Variants in FAM81B observed in about 807,000 individuals in gnomAD.
FAM81B encodes the protein family with sequence similarity 81 member B.
Under a neutral mutation model 58.7 loss-of-function variants are expected in FAM81B, and 60 were observed. The ratio of observed to expected loss-of-function variants is 1.02; its 90% CI spans 0.83 to 1.27. The LOEUF is 1.27. FAM81B is among the 50% of genes most tolerant of loss of function. FAM81B has a pLI of 0.00. For synonymous variants in FAM81B, 189 were observed against 179.6 expected (o/e 1.05, Z -0.42); for missense variants, 491 against 522.0 (o/e 0.94, Z 0.58).
At chr5:95,449,604 G>A (rs952960593) in intron 9 of FAM81B, among the ~76,000 whole-genome samples, 1 of 152,184 alleles carries the variant, frequency 6.6e-6, no homozygotes, top group African/African-American at 2.4e-5. Context: ...AAAGGCCCCA[G>A]TGAATAACAA....
At chr5:95,440,200 A>G (rs1420866231) in intron 7 of FAM81B, 12 of 632,332 alleles carry the variant, frequency 1.9e-5, no homozygotes, top group Non-Finnish European at 3.7e-5. Context: ...GATCAACAAG[A>G]AGCTATTGAC....
In FAM81B at chr5:95,428,737, T is replaced by C. The variant is rs760321217; in HGVS notation, c.786+5T>C. 2 of 1,613,722 alleles carry C rather than the reference T, an allele frequency of 1.2e-6. No individual in the cohort carries two copies. The highest frequency in any genetic ancestry group is 2.2e-5 in the East Asian group (1 of 44,876). ...TCCAAGAACTTGGACATGAAGGTAA[T>C]TGAAAATAGATGGGACTCATATTAC... On this transcript the variant is annotated splice_donor_5th_base_variant and intron_variant, in intron 6 of 9. Coordinates refer to ENST00000283357, the MANE Select transcript of FAM81B (RefSeq NM_152548.3).
intron 2 of FAM81B, among the ~76,000 whole-genome samples, chr5:95,395,442 CAAAAAAAAAA>C (rs70978184): frequency 1.9e-5 from 2 of 103,116 alleles, no homozygotes; most frequent in Non-Finnish European, 3.7e-5. Flanking sequence ...GACCCCGTCT[CAAAAAAAAAA>C]AAAAAAAAAG....
chr5:95,394,585 T>G (rs1761913977), intron 2 of FAM81B, among the ~76,000 whole-genome samples: 1 of 152,118 alleles, frequency 6.6e-6, no homozygotes, highest in Non-Finnish European at 1.5e-5. Flanking sequence ...CTTAGGAAAG[T>G]TTCCATAACG....
intron 3 of FAM81B, among the ~76,000 whole-genome samples, chr5:95,413,403 T>C (rs1024193208): frequency 2.6e-5 from 4 of 152,204 alleles, no homozygotes; most frequent in African/African-American, 9.6e-5. Flanking sequence ...GTACCATTCA[T>C]GAACTAATTT....
chr5:95,426,085 T>C (rs1427952689), intron 5 of FAM81B, among the ~76,000 whole-genome samples: 1 of 107,004 alleles, frequency 9.3e-6, no homozygotes, highest in African/African-American at 3.8e-5. Context: ...TTTCTTCCTA[T>C]CTCTGTGTGT....
rs868090943 is a variant in FAM81B, at chr5:95,450,385, G to T, written c.*103G>T. 6.4e-7 allele frequency: 1 copy of T among 1,550,514 alleles called. No homozygotes were observed. Among genetic ancestry groups the T allele is most frequent in the Non-Finnish European group, 8.7e-7 (1 of 1,154,854 alleles). On this transcript the variant is annotated 3_prime_UTR_variant, in exon 10 of 10. Coordinates refer to ENST00000283357, the MANE Select transcript of FAM81B (RefSeq NM_152548.3). ...CTCTGGGATGTTTACTGCTTCTAAT[G>T]TCTCCTTTTAAGGAGACGAATGTAC...
At chr5:95,395,772 T>C (rs1761950304) in intron 2 of FAM81B, among the ~76,000 whole-genome samples, 1 of 152,218 alleles carries the variant, frequency 6.6e-6, no homozygotes. Context: ...TCAGGAATCA[T>C]CCACTCTGTG....
chr5:95,450,259 A>C lies in FAM81B; in HGVS notation c.1336A>C (p.Ile446Leu). 1 of 1,613,036 alleles carries C rather than the reference A, an allele frequency of 6.2e-7. No homozygotes were observed. Among genetic ancestry groups the C allele is most frequent in the Non-Finnish European group, 8.5e-7 (1 of 1,179,548 alleles). The change falls in exon 10 of 10, where the codon ATA becomes CTA. Residue 446 changes from isoleucine (I) to leucine (L), a missense_variant. Ile to Leu is a conservative substitution (Grantham distance 5). Transcript: ENST00000283357. ...AGACCTAAAGAAATTACAGCGCAAGATAGTGGAACTCCAGGAAGTATAAAC... is the reference window on the plus strand; with the variant it reads ...AGACCTAAAGAAATTACAGCGCAAGCTAGTGGAACTCCAGGAAGTATAAAC... ...QKDLKKLQRK[I>L]VELQEV
At chr5:95,404,644 C>A (rs1582788761) in intron 3 of FAM81B, among the ~76,000 whole-genome samples, 1 of 151,998 alleles carries the variant, frequency 6.6e-6, no homozygotes, top group East Asian at 1.9e-4. Flanking sequence ...AACAACTGAG[C>A]CTTAAGGGAA....
At chr5:95,401,749 T>C (rs529455566) in intron 3 of FAM81B, among the ~76,000 whole-genome samples, 2 of 152,352 alleles carry the variant, frequency 1.3e-5, no homozygotes, top group East Asian at 1.9e-4. Flanking sequence ...CCAAAATGGT[T>C]ACCAGAATCT....
intron 6 of FAM81B, among the ~76,000 whole-genome samples, chr5:95,433,039 C>T (rs546825546): frequency 5.3e-5 from 8 of 152,080 alleles, no homozygotes; most frequent in South Asian, 2.1e-4. Flanking sequence ...TTATATCCCC[C>T]GGAGTTTAAC....
intron 7 of FAM81B, among the ~76,000 whole-genome samples, chr5:95,441,561 CTG>C (rs1745351777): frequency 1.3e-5 from 2 of 151,584 alleles, no homozygotes; most frequent in South Asian, 4.2e-4. Context: ...GAGTGAGACT[CTG>C]TATCTAAATA....
intron 3 of FAM81B, among the ~76,000 whole-genome samples, chr5:95,409,686 GA>G (rs2152762682): frequency 6.6e-6 from 1 of 152,180 alleles, no homozygotes; most frequent in East Asian, 1.9e-4. Context: ...CTGGGCAGTT[GA>G]AGCCTCGCCA....
intron 4 of FAM81B, among the ~76,000 whole-genome samples, chr5:95,418,802 A>T (rs904932909): frequency 1.3e-5 from 2 of 152,140 alleles, no homozygotes; most frequent in Non-Finnish European, 2.9e-5. Context: ...TTATGGCTTA[A>T]TTTAAAAAAT....
chr5:95,421,404 G>A (rs1291789869), intron 5 of FAM81B, among the ~76,000 whole-genome samples: 2 of 152,200 alleles, frequency 1.3e-5, no homozygotes, highest in Non-Finnish European at 2.9e-5. Context: ...AATAATATGT[G>A]CAAAAGAACT....
chr5:95,439,911 C>T, intron 7 of FAM81B: 1 of 241,180 alleles, frequency 4.1e-6, no homozygotes, highest in South Asian at 5.6e-5. Flanking sequence ...CCCAGCTACC[C>T]AGGAGGCTGA....
At chr5:95,426,141 G>A (rs1428079239) in intron 5 of FAM81B, among the ~76,000 whole-genome samples, 7 of 126,148 alleles carry the variant, frequency 5.5e-5, no homozygotes, top group South Asian at 2.4e-4. Context: ...TATATTTTAA[G>A]TATATATGTA....
intron 4 of FAM81B, among the ~76,000 whole-genome samples, chr5:95,418,046 A>G (rs1162335240): frequency 6.6e-6 from 1 of 152,204 alleles, no homozygotes; most frequent in Non-Finnish European, 1.5e-5. Context: ...GAAATATTAA[A>G]TGGAAGATCC....
Sources: gnomAD v4.1 joint callset for allele counts (sites outside exome capture counted in the v4.1 genomes callset) on GRCh38, gnomAD v4.1.1 for gene constraint, MANE v1.5 for transcripts, NCBI Gene and HGNC (gene_info 2026-07-23, HGNC 2026-07-21) for gene names.